JPH1: variants seen among roughly 807,000 people sequenced by gnomAD.
JPH1 encodes the protein junctophilin 1, also known as junctophilin-1.
A neutral mutation model predicts 53.6 loss-of-function variants in JPH1; 12 were observed. That is an observed-to-expected ratio of 0.22 (90% CI 0.14 to 0.36). JPH1 has a LOEUF of 0.36. Ranked by LOEUF, JPH1 falls within the 10% of genes least tolerant of loss-of-function variation. JPH1 has a pLI of 1.00. For synonymous variants in JPH1, 375 were observed against 363.8 expected (o/e 1.03, Z -0.35); for missense variants, 808 against 905.5 (o/e 0.89, Z 1.38).
intron 2 of JPH1, among the ~76,000 whole-genome samples, chr8:74,285,120 G>C (rs1259402374): frequency 1.3e-5 from 2 of 152,072 alleles, no homozygotes; most frequent in African/African-American, 4.8e-5. Context: ...ACTGCGCCTA[G>C]CCTATGGTTA....
intron 3 of JPH1, among the ~76,000 whole-genome samples, chr8:74,256,474 A>G (rs1226575530): frequency 6.6e-6 from 1 of 151,904 alleles, no homozygotes; most frequent in Non-Finnish European, 1.5e-5. Context: ...GCACACCAAC[A>G]TGGCACATGT....
chr8:74,248,699 T>G (rs1397935726), intron 3 of JPH1, among the ~76,000 whole-genome samples: 2 of 152,230 alleles, frequency 1.3e-5, no homozygotes, highest in African/African-American at 4.8e-5. Context: ...TTAAATGCTT[T>G]TAAAACAAGA....
chr8:74,249,856 C>T (rs1045567563), intron 3 of JPH1, among the ~76,000 whole-genome samples: 1 of 152,118 alleles, frequency 6.6e-6, no homozygotes, highest in Admixed American at 6.5e-5. Flanking sequence ...CCATAATAAC[C>T]TGTGCTAAAG....
At chr8:74,272,950 CTT>C (rs1806749436) in intron 2 of JPH1, among the ~76,000 whole-genome samples, 1 of 152,128 alleles carries the variant, frequency 6.6e-6, no homozygotes, top group Admixed American at 6.5e-5. Flanking sequence ...TTGCAAGTTA[CTT>C]ATTAAAATAT....
chr8:74,306,407 C>T (rs1009836450), intron 2 of JPH1, among the ~76,000 whole-genome samples: 1 of 151,986 alleles, frequency 6.6e-6, no homozygotes, highest in African/African-American at 2.4e-5. Flanking sequence ...AGACTAGGCA[C>T]CCCCCCTTTC....
In JPH1 at chr8:74,295,005, C is replaced by G. The variant is rs549092098; in HGVS notation, c.1139+19856G>C. Among the ~76,000 whole-genome samples the G allele has an allele frequency of 2.6e-5, 4 of 152,318 alleles. No individual in the cohort carries two copies. In the South Asian group the frequency reaches 6.2e-4, roughly 24 times the overall value. ...ACAGAGTGTGTGCTTTACCACTAAC[C>G]ACACATGCTGCTTCTCTGTGCCCTG... is the stretch of plus-strand genomic sequence containing the variant. On this transcript the variant is annotated intron_variant, in intron 2 of 5. Transcript: ENST00000342232.
At chr8:74,274,371 T>C (rs190790672) in intron 2 of JPH1, among the ~76,000 whole-genome samples, 4 of 152,334 alleles carry the variant, frequency 2.6e-5, no homozygotes, top group Admixed American at 2.0e-4. Context: ...ATTTATAGAA[T>C]AATTTTTTCA....
chr8:74,259,632 T>C, intron 2 of JPH1, 129 bp from the exon 3 acceptor site: 2 of 633,024 alleles, frequency 3.2e-6, no homozygotes, highest in Non-Finnish European at 5.3e-6. Context: ...AGAGCAAAAA[T>C]TTTAGAGTCC....
rs574530728 is a variant in JPH1 at position 74,270,821 on chromosome 8, T to C, written c.1140-11318A>G. On this transcript the variant is annotated intron_variant, in intron 2 of 5. Transcript: ENST00000342232. Reference sequence around the variant, plus strand: ...CTTGGGATATTCCTGACCAGCAGCCTGCTGTCTGCCTGGGTATCTCCTCTA... The same window carrying C: ...CTTGGGATATTCCTGACCAGCAGCCCGCTGTCTGCCTGGGTATCTCCTCTA... 1.6e-4 allele frequency among the ~76,000 whole-genome samples: 24 copies of C among 152,282 alleles called. 1 individual carries two copies. Among genetic ancestry groups the C allele is most frequent in the African/African-American group, 5.8e-4 (24 of 41,558 alleles).
intron 2 of JPH1, among the ~76,000 whole-genome samples, chr8:74,260,575 A>T (rs1166020977): frequency 6.6e-6 from 1 of 151,778 alleles, no homozygotes; most frequent in Non-Finnish European, 1.5e-5. Context: ...AGTCTGAAAA[A>T]GGTGCTTACA....
intron 3 of JPH1, among the ~76,000 whole-genome samples, chr8:74,252,630 G>A (rs969530762): frequency 6.6e-5 from 10 of 152,058 alleles, no homozygotes; most frequent in African/African-American, 2.4e-4. Context: ...ACCCATCAGT[G>A]TGCTGTATTC....
chr8:74,240,019 T>A (rs1805647287), intron 4 of JPH1, among the ~76,000 whole-genome samples: 1 of 152,204 alleles, frequency 6.6e-6, no homozygotes, highest in Admixed American at 6.5e-5. Context: ...TCACCCAGGC[T>A]GGAGTGCAGT....
At chr8:74,279,598 A>G (rs1806950312) in intron 2 of JPH1, among the ~76,000 whole-genome samples, 1 of 152,200 alleles carries the variant, frequency 6.6e-6, no homozygotes. Context: ...AGGGCCTTCT[A>G]TCTACCTGTG....
intron 1 of JPH1, among the ~76,000 whole-genome samples, chr8:74,318,551 T>A (rs1808225784): frequency 6.6e-6 from 1 of 152,178 alleles, no homozygotes; most frequent in African/African-American, 2.4e-5. Flanking sequence ...AACTTATTGT[T>A]AATATTCAGG....
At chr8:74,242,309 T>C (rs757611730) in intron 4 of JPH1, among the ~76,000 whole-genome samples, 1 of 152,226 alleles carries the variant, frequency 6.6e-6, no homozygotes, top group African/African-American at 2.4e-5. Context: ...GAGCATTTAT[T>C]CTGCGCTAGG....
At chr8:74,278,754 C>T (rs1291127841) in intron 2 of JPH1, among the ~76,000 whole-genome samples, 1 of 152,110 alleles carries the variant, frequency 6.6e-6, no homozygotes, top group Non-Finnish European at 1.5e-5. Context: ...TGAGCGATGA[C>T]AGAGAAATAG....
At chr8:74,243,310 A>AT (rs1805751050) in intron 4 of JPH1, among the ~76,000 whole-genome samples, 1 of 152,248 alleles carries the variant, frequency 6.6e-6, no homozygotes, top group Non-Finnish European at 1.5e-5. Context: ...TCAGAATCTT[A>AT]AAGTTAGTCT....
intron 2 of JPH1, among the ~76,000 whole-genome samples, chr8:74,260,449 C>T (rs1199200359): frequency 2.0e-5 from 3 of 152,150 alleles, no homozygotes; most frequent in Admixed American, 6.5e-5. Flanking sequence ...AAGGCCTTGT[C>T]CCGTTAGTCT....
intron 1 of JPH1, among the ~76,000 whole-genome samples, chr8:74,318,461 A>G (rs758415663): frequency 2.0e-5 from 3 of 152,214 alleles, no homozygotes; most frequent in Non-Finnish European, 2.9e-5. Context: ...GTTTTATGAC[A>G]AGTGAAAAAA....
Sources: allele counts gnomAD v4.1 joint callset (sites outside exome capture counted in the v4.1 genomes callset), GRCh38; gene constraint gnomAD v4.1.1; transcripts MANE v1.5; gene names NCBI Gene and HGNC (gene_info 2026-07-23, HGNC 2026-07-21).